Variants in USH2A observed in about 807,000 individuals in gnomAD.
USH2A encodes the protein Usher syndrome 2A (autosomal recessive, mild).
A neutral mutation model predicts 538.9 loss-of-function variants in USH2A; 443 were observed. The ratio of observed to expected loss-of-function variants is 0.82; its 90% CI spans 0.76 to 0.89. USH2A has a LOEUF of 0.89. Ranked by LOEUF, USH2A falls within the 40% of genes least tolerant of loss-of-function variation. The pLI is 0.00. For synonymous variants in USH2A, 2,413 were observed against 2,273.5 expected (o/e 1.06, Z -1.75); for missense variants, 6,633 against 6,324.8 (o/e 1.05, Z -1.65).
chr1:215,796,833 G>A (rs1245864981), intron 50 of USH2A, among the ~76,000 whole-genome samples: 1 of 98,028 alleles, frequency 1.0e-5, no homozygotes, highest in African/African-American at 3.2e-5. Context: ...CAAAGGAACA[G>A]TTCTTGAAGA....
chr1:216,309,932 C>T (rs1482754290), intron 9 of USH2A, among the ~76,000 whole-genome samples: 1 of 151,976 alleles, frequency 6.6e-6, no homozygotes, highest in African/African-American at 2.4e-5. Flanking sequence ...TTACACATTG[C>T]TTAATAGTTT....
At chr1:215,912,510 TAC>T (rs200083161) in intron 38 of USH2A, among the ~76,000 whole-genome samples, 250 of 17,614 alleles carry the variant, frequency 0.014, 4 homozygotes, top group African/African-American at 0.048. Context: ...TATATATATA[TAC>T]GTGTATATAT....
intron 9 of USH2A, among the ~76,000 whole-genome samples, chr1:216,318,019 C>T (rs2037540884): frequency 6.6e-6 from 1 of 152,166 alleles, no homozygotes; most frequent in South Asian, 2.1e-4. Context: ...ACGGAAAATT[C>T]CTTAGGATGG....
chr1:216,057,339 TG>T lies in USH2A; in HGVS notation c.6050-8693del, dbSNP rs199754304. On this transcript the variant is annotated intron_variant, in intron 30 of 71. Coordinates refer to ENST00000307340, the MANE Select transcript of USH2A (RefSeq NM_206933.4). ...TGTCATAGGCCATATTTTCGTCCTGTGAATTTTTTCAGACCAGTTTCTTTCA... is the reference window on the plus strand; with the variant it reads ...TGTCATAGGCCATATTTTCGTCCTGTAATTTTTTCAGACCAGTTTCTTTCA... Among the ~76,000 whole-genome samples, 742 of 152,264 alleles carry T rather than the reference TG, an allele frequency of 4.9e-3. 4 individuals are homozygous for T. Among genetic ancestry groups the T allele is most frequent in the African/African-American group, 0.017 (697 of 41,558 alleles).
At chr1:216,371,007 G>A (rs1249611183) in intron 3 of USH2A, among the ~76,000 whole-genome samples, 1 of 152,162 alleles carries the variant, frequency 6.6e-6, no homozygotes, top group Admixed American at 6.5e-5. Context: ...TCACAATGGT[G>A]TTGTCCCCAC....
chr1:216,036,019 T>C (rs909767002), intron 32 of USH2A, among the ~76,000 whole-genome samples: 1 of 152,178 alleles, frequency 6.6e-6, no homozygotes, highest in Non-Finnish European at 1.5e-5. Context: ...GAAGAGTCTA[T>C]GAGTCAAATG....
At chr1:216,251,390 T>TGAAAATA (rs1413912918) in intron 11 of USH2A, among the ~76,000 whole-genome samples, 2 of 148,736 alleles carry the variant, frequency 1.3e-5, no homozygotes, top group South Asian at 4.3e-4. Context: ...ATGTAGAGAC[T>TGAAAATA]GAAAATAGAA....
At chr1:216,227,807 GA>G (rs2102513659) in intron 14 of USH2A, among the ~76,000 whole-genome samples, 1 of 152,224 alleles carries the variant, frequency 6.6e-6, no homozygotes, top group South Asian at 2.1e-4. Context: ...TTTAAAGGGG[GA>G]AAGAAAGTAA....
intron 37 of USH2A, among the ~76,000 whole-genome samples, chr1:215,963,343 C>G (rs1667248232): frequency 6.6e-6 from 1 of 152,042 alleles, no homozygotes; most frequent in Non-Finnish European, 1.5e-5. Flanking sequence ...CATGAGAGTT[C>G]CAGTGCCAGT....
intron 50 of USH2A, among the ~76,000 whole-genome samples, chr1:215,797,996 C>A (rs878900281): frequency 6.6e-6 from 1 of 152,058 alleles, no homozygotes; most frequent in South Asian, 2.1e-4. Context: ...GGGAAGAAGT[C>A]AAAATATCAA....
intron 9 of USH2A, among the ~76,000 whole-genome samples, chr1:216,300,454 G>T (rs563819489): frequency 6.6e-6 from 1 of 152,118 alleles, no homozygotes; most frequent in Non-Finnish European, 1.5e-5. Flanking sequence ...CTTTCATTTT[G>T]ATAGCTTCTT....
At chr1:215,630,492 A>G (rs1051409229) in intron 70 of USH2A, among the ~76,000 whole-genome samples, 12 of 35,870 alleles carry the variant, frequency 3.3e-4, no homozygotes, top group South Asian at 2.6e-3. Context: ...GTATATATAT[A>G]TATATATATA....
intron 20 of USH2A, among the ~76,000 whole-genome samples, chr1:216,178,914 T>C (rs1189858586): frequency 1.3e-5 from 2 of 152,160 alleles, no homozygotes; most frequent in East Asian, 1.9e-4. Flanking sequence ...ACCAAAGATG[T>C]AGACAGAGCA....
At chr1:215,845,510 G>C (rs1396799493) in intron 45 of USH2A, among the ~76,000 whole-genome samples, 2 of 151,674 alleles carry the variant, frequency 1.3e-5, no homozygotes, top group African/African-American at 2.4e-5. Context: ...GCTTCTGAGG[G>C]CAAATCTTAA....
At chr1:216,245,915 A>G (rs1572087437) in intron 13 of USH2A, among the ~76,000 whole-genome samples, 2 of 152,336 alleles carry the variant, frequency 1.3e-5, no homozygotes, top group African/African-American at 4.8e-5. Flanking sequence ...GCTGTTAAAC[A>G]ACGGATAAGT....
chr1:215,713,772 T>G (rs1485373018), intron 61 of USH2A, among the ~76,000 whole-genome samples: 1 of 152,256 alleles, frequency 6.6e-6, no homozygotes, highest in African/African-American at 2.4e-5. Flanking sequence ...CATCTCTTTG[T>G]CCTATTGAAC....
At chr1:215,713,415 CT>C (rs1211749375) in intron 61 of USH2A, among the ~76,000 whole-genome samples, 1 of 152,144 alleles carries the variant, frequency 6.6e-6, no homozygotes, top group Admixed American at 6.5e-5. Context: ...CACTCAATAG[CT>C]TTGCTAGGCA....
At chr1:215,749,983 C>CT (rs66533012) in intron 58 of USH2A, among the ~76,000 whole-genome samples, 129,257 of 152,028 alleles carry the variant, frequency 0.85, 55,172 homozygotes, top group East Asian at 1. Flanking sequence ...AATTATTCAA[C>CT]TATTTTTCTC....
intron 53 of USH2A, among the ~76,000 whole-genome samples, chr1:215,782,474 C>T (rs1311778657): frequency 6.6e-6 from 1 of 152,082 alleles, no homozygotes; most frequent in African/African-American, 2.4e-5. Flanking sequence ...CTGAATATGC[C>T]TTGCTTGTTT....
Sources: allele counts gnomAD v4.1 joint callset (sites outside exome capture counted in the v4.1 genomes callset), GRCh38; gene constraint gnomAD v4.1.1; transcripts MANE v1.5; gene names NCBI Gene and HGNC (gene_info 2026-07-23, HGNC 2026-07-21).